The following PLXNA4 variants were observed in gnomAD, a reference collection of about 807,000 sequenced individuals.
PLXNA4 encodes the protein plexin A4.
In PLXNA4, 44 loss-of-function variants were observed where a neutral mutation model predicts 191.8. That is an observed-to-expected ratio of 0.23 (90% CI 0.18 to 0.29). The LOEUF (loss-of-function observed/expected upper bound fraction) is 0.29, where lower values mean the gene tolerates loss of function less well. Among genes scored for constraint, PLXNA4 ranks in the 10% least tolerant of loss-of-function variants. PLXNA4 has a pLI of 1.00. For missense variants in PLXNA4, 1,800 were observed against 2,488.8 expected (o/e 0.72, Z 5.89); for synonymous variants, 1,082 against 1,009.5 (o/e 1.07, Z -1.36).
chr7:132,619,402 T>C (rs190391092), intron 2 of PLXNA4, among the ~76,000 whole-genome samples: 74 of 152,374 alleles, frequency 4.9e-4, no homozygotes, highest in African/African-American at 1.8e-3. Flanking sequence ...AAAAAGTGAT[T>C]TCAGAATTTT....
chr7:132,398,504 C>T (rs550578114), intron 3 of PLXNA4, among the ~76,000 whole-genome samples: 3 of 152,306 alleles, frequency 2.0e-5, no homozygotes, highest in East Asian at 1.9e-4. Flanking sequence ...CCCGGTCTGA[C>T]GGGAACCCCA....
Position 132,426,419 on chromosome 7 carries a change from C to T in PLXNA4, c.1371+62873G>A, listed in dbSNP as rs115211740. On this transcript the variant is annotated intron_variant, in intron 3 of 31. Coordinates refer to ENST00000321063, the MANE Select transcript of PLXNA4 (RefSeq NM_020911.2). The stretch of plus-strand genomic sequence containing the variant: ...TGTCTGAGGCACACAGTGTGACCAG[C>T]GCTGTCATGTCTGCCCAACCCTAGC... 2.4e-3 allele frequency among the ~76,000 whole-genome samples: 358 copies of T among 152,312 alleles called. 3 individuals carry two copies. The highest frequency in any genetic ancestry group is 8.3e-3 in the African/African-American group (344 of 41,554).
At chr7:132,348,210 A>ACTTAACTT (rs1307547500) in intron 3 of PLXNA4, among the ~76,000 whole-genome samples, 1 of 152,166 alleles carries the variant, frequency 6.6e-6, no homozygotes, top group East Asian at 1.9e-4. Flanking sequence ...CCTTGCCCAA[A>ACTTAACTT]TCCCTTAACT....
At chr7:132,204,224 G>A (rs1034275259) in intron 10 of PLXNA4, among the ~76,000 whole-genome samples, 1 of 152,216 alleles carries the variant, frequency 6.6e-6, no homozygotes. Flanking sequence ...GGAGAGAAGA[G>A]GGAGGTGCTG....
chr7:132,301,533 C>T (rs776451619), intron 3 of PLXNA4, among the ~76,000 whole-genome samples: 4 of 152,200 alleles, frequency 2.6e-5, no homozygotes, highest in Non-Finnish European at 5.9e-5. Context: ...TGGCGGATGG[C>T]ACAGGCTGCA....
chr7:132,328,163 G>C (rs917667648), intron 3 of PLXNA4, among the ~76,000 whole-genome samples: 1 of 152,124 alleles, frequency 6.6e-6, no homozygotes, highest in Non-Finnish European at 1.5e-5. Context: ...TCACTGGGTC[G>C]GGCGGGCGCT....
At chr7:132,381,607 ACATCTGG>A (rs1804895387) in intron 3 of PLXNA4, among the ~76,000 whole-genome samples, 1 of 152,258 alleles carries the variant, frequency 6.6e-6, no homozygotes. Context: ...CAGTCTGGAA[ACATCTGG>A]CATGGATATT....
chr7:132,264,828 G>A (rs972713787), intron 4 of PLXNA4, among the ~76,000 whole-genome samples: 1 of 152,006 alleles, frequency 6.6e-6, no homozygotes, highest in Non-Finnish European at 1.5e-5. Flanking sequence ...CTCCCAAGTA[G>A]CTGGGATTAC....
intron 20 of PLXNA4, among the ~76,000 whole-genome samples, chr7:132,178,989 G>C (rs1232538399): frequency 7.2e-6 from 1 of 138,110 alleles, no homozygotes; most frequent in East Asian, 2.2e-4. Context: ...TGCCTGGCCT[G>C]CTTGCTTGTA....
chr7:132,416,170 C>A (rs890666064), intron 3 of PLXNA4, among the ~76,000 whole-genome samples: 1 of 152,100 alleles, frequency 6.6e-6, no homozygotes, highest in Non-Finnish European at 1.5e-5. Flanking sequence ...GAGGATAAGG[C>A]TAGATGATGG....
At chr7:132,145,324 T>G (rs1795388748) in intron 28 of PLXNA4, 36 bp from the exon 29 acceptor site, 6 of 1,610,620 alleles carry the variant, frequency 3.7e-6, no homozygotes, top group Non-Finnish European at 5.1e-6. Flanking sequence ...ACAGCTCGAC[T>G]CACGTAGTTC....
chr7:132,493,585 C>T (rs1797887272), intron 2 of PLXNA4, among the ~76,000 whole-genome samples: 1 of 152,148 alleles, frequency 6.6e-6, no homozygotes, highest in Non-Finnish European at 1.5e-5. Context: ...ATCCACTGTG[C>T]TCCAAGGACT....
At chr7:132,564,050 C>T (rs1373007103) in intron 1 of PLXNA4, among the ~76,000 whole-genome samples, 2 of 374 alleles carry the variant, frequency 5.3e-3, no homozygotes, top group East Asian at 0.17. Flanking sequence ...CTTTTCCTCC[C>T]CCTCTTTCTC....
At chr7:132,393,198 C>G (rs1438709109) in intron 3 of PLXNA4, among the ~76,000 whole-genome samples, 1 of 124,922 alleles carries the variant, frequency 8.0e-6, no homozygotes, top group Non-Finnish European at 1.7e-5. Flanking sequence ...ACACCCCCCC[C>G]CACCACCACC....
At chr7:132,555,167 T>C (rs1800748385) in intron 1 of PLXNA4, among the ~76,000 whole-genome samples, 1 of 152,220 alleles carries the variant, frequency 6.6e-6, no homozygotes, top group Non-Finnish European at 1.5e-5. Context: ...ATGGCTGATC[T>C]GAGCACAGAT....
chr7:132,276,348 C>A (rs1005354310), intron 4 of PLXNA4, among the ~76,000 whole-genome samples: 5 of 152,166 alleles, frequency 3.3e-5, no homozygotes, highest in Admixed American at 6.5e-5. Context: ...CAACACACAC[C>A]CATTGAGATG....
At chr7:132,165,478 G>A (rs1796095912) in intron 22 of PLXNA4, among the ~76,000 whole-genome samples, 1 of 152,184 alleles carries the variant, frequency 6.6e-6, no homozygotes, top group South Asian at 2.1e-4. Flanking sequence ...GAGCACCGCT[G>A]TCCAATTGCA....
intron 9 of PLXNA4, among the ~76,000 whole-genome samples, chr7:132,221,558 C>T (rs1205886472): frequency 6.6e-6 from 1 of 152,240 alleles, no homozygotes; most frequent in Non-Finnish European, 1.5e-5. Flanking sequence ...CCTGGCCAGG[C>T]TGATGAGACT....
At chr7:132,567,285 C>T (rs955075420) in intron 1 of PLXNA4, among the ~76,000 whole-genome samples, 1 of 151,644 alleles carries the variant, frequency 6.6e-6, no homozygotes, top group African/African-American at 2.4e-5. Flanking sequence ...CTAAATTCAG[C>T]TTGGTCTCCC....
Sources: gnomAD v4.1 joint callset for allele counts (sites outside exome capture counted in the v4.1 genomes callset) on GRCh38, gnomAD v4.1.1 for gene constraint, MANE v1.5 for transcripts, NCBI Gene and HGNC (gene_info 2026-07-23, HGNC 2026-07-21) for gene names.